KCNG3: variants seen among roughly 807,000 people sequenced by gnomAD.
KCNG3 encodes the protein potassium voltage-gated channel modifier subfamily G member 3.
A neutral mutation model predicts 29.0 loss-of-function variants in KCNG3; 15 were observed. The ratio of observed to expected loss-of-function variants is 0.52; its 90% CI spans 0.35 to 0.80. The LOEUF is 0.80. KCNG3 is among the 30% of genes least tolerant of loss of function. The probability of loss-of-function intolerance (pLI) is 0.01; values close to 1 mark genes in which losing one functional copy is unlikely to be tolerated. For missense variants in KCNG3, 512 were observed against 605.7 expected (o/e 0.85, Z 1.62); for synonymous variants, 322 against 248.9 (o/e 1.29, Z -2.76).
chr2:42,485,719 ATTACAGGCATGAG>A (rs1265509629), intron 1 of KCNG3, among the ~76,000 whole-genome samples: 1 of 152,212 alleles, frequency 6.6e-6, no homozygotes, highest in East Asian at 1.9e-4. Flanking sequence ...AAGTGCTGGG[ATTACAGGCATGAG>A]CCACCGTGCC....
chr2:42,420,214 A>T, the KCNG3 span, among the ~76,000 whole-genome samples: 8 of 152,140 alleles, frequency 5.3e-5, no homozygotes, highest in Admixed American at 4.6e-4. Context: ...ACGAGTGAAA[A>T]GAGCGAAACT....
In KCNG3 at chr2:42,493,423, G is replaced by C; in HGVS notation, c.79C>G (p.Leu27Val). The C allele has an allele frequency of 6.7e-7, 1 of 1,503,228 alleles. No homozygotes were observed. 93.1% of individuals were successfully genotyped at this position (1,503,228 alleles called of 1,614,324 possible). A position where few individuals can be genotyped will look rare whatever the true frequency, so the allele number is the denominator to read the frequency against. Residue 27 changes from leucine to valine, a missense_variant, in exon 1 of 2, where the codon CTG (leucine) becomes GTG (valine). Leu to Val is a conservative substitution (Grantham distance 32, BLOSUM62 1). This residue lies in a region of KCNG3 where 91 missense variants were observed against 91.1 expected (regional missense o/e 1.00). Transcript: ENST00000306078. ...ACGCGGCGCAGCGGGAAGTCCTTCA[G>C]CAGCTCCCGGGACAGCGAATACCGG... ...GARYSLSREL[L>V]KDFPLRRVSR...
intron 1 of KCNG3, among the ~76,000 whole-genome samples, chr2:42,471,182 G>GTA (rs1181148985): frequency 1.4e-3 from 211 of 147,580 alleles, no homozygotes; most frequent in African/African-American, 3.5e-3. Flanking sequence ...GTGTGTGTGT[G>GTA]TGTATATATA....
At chr2:42,476,907 C>T (rs895903752) in intron 1 of KCNG3, among the ~76,000 whole-genome samples, 3 of 150,380 alleles carry the variant, frequency 2.0e-5, no homozygotes, top group East Asian at 2.0e-4. Flanking sequence ...TGCTTAAGGC[C>T]GGGCGTGGTG....
intron 1 of KCNG3, among the ~76,000 whole-genome samples, chr2:42,481,180 C>G (rs560910599): frequency 4.6e-4 from 70 of 152,336 alleles, no homozygotes; most frequent in Non-Finnish European, 9.0e-4. Flanking sequence ...TCCAGACTCC[C>G]ATTGGTCCTG....
intron 1 of KCNG3, among the ~76,000 whole-genome samples, chr2:42,472,834 A>C (rs915042192): frequency 1.8e-4 from 27 of 148,206 alleles, no homozygotes; most frequent in African/African-American, 5.2e-4. Flanking sequence ...ATATCTATAT[A>C]TAGATATCTA....
intron 1 of KCNG3, among the ~76,000 whole-genome samples, chr2:42,485,906 C>T (rs1472289521): frequency 6.6e-6 from 1 of 152,190 alleles, no homozygotes; most frequent in Non-Finnish European, 1.5e-5. Flanking sequence ...ACATTAAGAA[C>T]ATCACCATTC....
intron 1 of KCNG3, among the ~76,000 whole-genome samples, chr2:42,447,517 T>C (rs1672630153): frequency 7.3e-6 from 1 of 136,414 alleles, no homozygotes; most frequent in Non-Finnish European, 1.7e-5. Context: ...GCAATGAATA[T>C]TCTTTTTTTT....
chr2:42,424,435 T>TA, the KCNG3 span, among the ~76,000 whole-genome samples: 2 of 136,918 alleles, frequency 1.5e-5, no homozygotes, highest in Non-Finnish European at 3.2e-5. Flanking sequence ...CTCCGTCCCT[T>TA]TAAAAAAAAA....
At position 42,444,241 on chromosome 2, in the gene KCNG3, G is replaced by C. The variant is rs1672548088; in HGVS notation, c.1004C>G (p.Ala335Gly). Residue 335 changes from alanine (A) to glycine (G), a missense_variant, in exon 2 of 2, where the codon GCA (alanine) becomes GGA (glycine). By Grantham distance (60) the Ala-to-Gly change is moderately conservative (BLOSUM62 0). Coordinates refer to ENST00000306078, the MANE Select transcript of KCNG3 (RefSeq NM_133329.6). The surrounding 1 kb of genome is among the most constrained non-coding windows in gnomAD (Gnocchi z 5.8). ...MLLVFICVAM[A>G]IFSALSQLLE... ...AAGCTGAGAAAGTGCACTAAAGATTGCCATGGCAACACAAATGAAGACAAG... is the reference window on the plus strand; with the variant it reads ...AAGCTGAGAAAGTGCACTAAAGATTCCCATGGCAACACAAATGAAGACAAG... The C allele has an allele frequency of 1.3e-5, 21 of 1,614,130 alleles. No individual in the cohort carries two copies. Among genetic ancestry groups the C allele is most frequent in the Non-Finnish European group, 1.7e-5 (20 of 1,180,024 alleles).
chr2:42,449,514 CTTTTTTTT>C (rs36088470), intron 1 of KCNG3, among the ~76,000 whole-genome samples: 26 of 99,462 alleles, frequency 2.6e-4, no homozygotes, highest in Non-Finnish European at 4.1e-4. Context: ...ACTGAGATTT[CTTTTTTTT>C]TTTTTTTTTT....
the KCNG3 span, among the ~76,000 whole-genome samples, chr2:42,416,799 C>T: frequency 6.8e-6 from 1 of 146,198 alleles, no homozygotes; most frequent in Non-Finnish European, 1.5e-5. Context: ...GCCTGGGTGA[C>T]AGAGTGAGTC....
chr2:42,447,773 G>A (rs1165952161), intron 1 of KCNG3, among the ~76,000 whole-genome samples: 1 of 151,940 alleles, frequency 6.6e-6, no homozygotes, highest in Non-Finnish European at 1.5e-5. Flanking sequence ...CTGGGCTCAA[G>A]CAATCTGCCC....
chr2:42,390,600 A>G, the KCNG3 span, among the ~76,000 whole-genome samples: 1 of 152,188 alleles, frequency 6.6e-6, no homozygotes, highest in East Asian at 1.9e-4. Context: ...CCAGGGAAAC[A>G]AGGCTGCTGT....
intron 1 of KCNG3, among the ~76,000 whole-genome samples, chr2:42,477,891 T>C (rs972817456): frequency 8.8e-5 from 4 of 45,604 alleles, no homozygotes; most frequent in African/African-American, 3.1e-4. Context: ...AAAATATATA[T>C]ATATTTTTTT....
the KCNG3 span, among the ~76,000 whole-genome samples, chr2:42,402,338 A>C: frequency 1.3e-5 from 2 of 152,126 alleles, no homozygotes; most frequent in Non-Finnish European, 2.9e-5. Flanking sequence ...AATCAATCCT[A>C]TTGGCCTGTT....
chr2:42,449,138 C>T (rs905945732), intron 1 of KCNG3, among the ~76,000 whole-genome samples: 1 of 152,020 alleles, frequency 6.6e-6, no homozygotes, highest in African/African-American at 2.4e-5. Context: ...AATGAGTGTA[C>T]TTTGTTTTGA....
intron 1 of KCNG3, among the ~76,000 whole-genome samples, chr2:42,477,992 T>C (rs1358716921): frequency 6.6e-6 from 1 of 152,060 alleles, no homozygotes; most frequent in Non-Finnish European, 1.5e-5. Flanking sequence ...GGAGTGTTTT[T>C]CGTTTGTAAA....
intron 1 of KCNG3, among the ~76,000 whole-genome samples, chr2:42,469,428 A>C (rs1207022273): frequency 1.3e-5 from 2 of 151,726 alleles, no homozygotes; most frequent in Non-Finnish European, 2.9e-5. Flanking sequence ...AAAAAAAAAA[A>C]AAAAAATAGG....
Sources: gnomAD v4.1 joint callset for allele counts (sites outside exome capture counted in the v4.1 genomes callset) on GRCh38, gnomAD v4.1.1 for gene constraint, gnomAD v4.1.1 regional missense constraint, Gnocchi (gnomAD v3.1) non-coding constraint, MANE v1.5 for transcripts, NCBI Gene and HGNC (gene_info 2026-07-23, HGNC 2026-07-21) for gene names.